GHR: variants seen among roughly 807,000 people sequenced by gnomAD.
GHR encodes the protein growth hormone receptor.
GHR carries 35 observed loss-of-function variants against 67.1 expected under a neutral mutation model. The observed-to-expected ratio is 0.52, with a 90% CI of 0.40 to 0.69. The LOEUF (loss-of-function observed/expected upper bound fraction) is 0.69. Among genes scored for constraint, GHR ranks in the 30% least tolerant of loss-of-function variants. The pLI is 0.00. For missense variants in GHR, 792 were observed against 764.6 expected (o/e 1.04, Z -0.42); for synonymous variants, 272 against 269.1 (o/e 1.01, Z -0.10).
At chr5:42,544,855 G>T (rs745467956) in intron 1 of GHR, among the ~76,000 whole-genome samples, 12 of 152,060 alleles carry the variant, frequency 7.9e-5, no homozygotes, top group Non-Finnish European at 1.8e-4. Flanking sequence ...GCACCAATCT[G>T]AATGTCCTAT....
At chr5:42,634,521 GCA>G (rs10684580) in intron 3 of GHR, among the ~76,000 whole-genome samples, 43 of 148,788 alleles carry the variant, frequency 2.9e-4, no homozygotes, top group East Asian at 1.8e-3. Context: ...ATTGAATTTT[GCA>G]CACACACACA....
chr5:42,676,890 A>C (rs1003671845), intron 3 of GHR, among the ~76,000 whole-genome samples: 1 of 151,954 alleles, frequency 6.6e-6, no homozygotes, highest in Non-Finnish European at 1.5e-5. Flanking sequence ...CAAGAGGAGG[A>C]CTCCAGCTAG....
chr5:42,640,096 T>G (rs1207263132), intron 3 of GHR, among the ~76,000 whole-genome samples: 1 of 152,158 alleles, frequency 6.6e-6, no homozygotes, highest in African/African-American at 2.4e-5. Context: ...TTTTCTCTTT[T>G]GGGACTTTTC....
intron 9 of GHR, 85 bp downstream of exon 9, chr5:42,718,206 T>C (rs2111862407): frequency 1.3e-6 from 1 of 796,168 alleles, no homozygotes; most frequent in Admixed American, 1.9e-5. Context: ...TTCTGTAAGC[T>C]ATATATATCA....
At chr5:42,549,336 T>G (rs769889209) in intron 1 of GHR, among the ~76,000 whole-genome samples, 2 of 152,216 alleles carry the variant, frequency 1.3e-5, no homozygotes, top group Non-Finnish European at 2.9e-5. Flanking sequence ...CCTTTATTCA[T>G]GTCTTCAACA....
intron 1 of GHR, among the ~76,000 whole-genome samples, chr5:42,555,529 G>C (rs1248361598): frequency 6.6e-6 from 1 of 152,182 alleles, no homozygotes; most frequent in Admixed American, 6.5e-5. Flanking sequence ...GAAAGATCAA[G>C]CACAGTTCGA....
chr5:42,468,186 C>A (rs1471661639), intron 1 of GHR: 1 of 1,407,826 alleles, frequency 7.1e-7, no homozygotes, highest in Non-Finnish European at 1.0e-6. Context: ...CCCCTGGGGC[C>A]CAGACTTTGA....
intron 2 of GHR, among the ~76,000 whole-genome samples, chr5:42,567,346 G>T (rs546368151): frequency 6.6e-6 from 1 of 152,352 alleles, no homozygotes; most frequent in East Asian, 1.9e-4. Flanking sequence ...GAACTAGAAA[G>T]TCTGCAAGGA....
At position 42,435,056 on chromosome 5, in the gene GHR, A is replaced by G. The variant is rs544634057; in HGVS notation, c.-12+11101A>G. On this transcript the variant is annotated intron_variant, in intron 1 of 9. Coordinates refer to ENST00000230882, the MANE Select transcript of GHR (RefSeq NM_000163.5). ...TGAGTCAAAATAGTGCCTGGCACATATTGGGCACTGCAGATATAGAGAATT... is the reference window on the plus strand; with the variant it reads ...TGAGTCAAAATAGTGCCTGGCACATGTTGGGCACTGCAGATATAGAGAATT... 5.3e-5 allele frequency among the ~76,000 whole-genome samples: 8 copies of G among 152,336 alleles called. 2 individuals are homozygous for G. The highest frequency in any genetic ancestry group is 1.7e-4 in the African/African-American group (7 of 41,574).
At chr5:42,525,557 A>C (rs1213714682) in intron 1 of GHR, among the ~76,000 whole-genome samples, 1 of 152,142 alleles carries the variant, frequency 6.6e-6, no homozygotes, top group Non-Finnish European at 1.5e-5. Context: ...TGCTGAAATG[A>C]ATTAAGACTT....
At chr5:42,453,594 A>G (rs909626902) in intron 1 of GHR, among the ~76,000 whole-genome samples, 1 of 152,208 alleles carries the variant, frequency 6.6e-6, no homozygotes, top group African/African-American at 2.4e-5. Context: ...TCAGCTATTC[A>G]GATCAGACAG....
intron 3 of GHR, among the ~76,000 whole-genome samples, chr5:42,678,572 G>A (rs1219696546): frequency 6.6e-6 from 1 of 152,182 alleles, no homozygotes; most frequent in Non-Finnish European, 1.5e-5. Context: ...CTTATAATAT[G>A]TCTTAGGAAA....
At chr5:42,432,352 T>C (rs1439933028) in intron 1 of GHR, among the ~76,000 whole-genome samples, 2 of 152,206 alleles carry the variant, frequency 1.3e-5, no homozygotes, top group East Asian at 1.9e-4. Flanking sequence ...CCTGTGCTTA[T>C]TGAGAGAAAA....
intron 3 of GHR, among the ~76,000 whole-genome samples, chr5:42,638,035 G>A (rs1370088571): frequency 6.6e-6 from 1 of 152,140 alleles, no homozygotes; most frequent in African/African-American, 2.4e-5. Context: ...CGCCTCCCAG[G>A]TTCAAGCAAT....
chr5:42,538,628 T>G (rs1320067032), intron 1 of GHR, among the ~76,000 whole-genome samples: 1 of 152,194 alleles, frequency 6.6e-6, no homozygotes, highest in African/African-American at 2.4e-5. Flanking sequence ...TGTCTTAACT[T>G]TAGATAACCT....
chr5:42,659,915 C>T (rs1342193029), intron 3 of GHR, among the ~76,000 whole-genome samples: 1 of 152,138 alleles, frequency 6.6e-6, no homozygotes, highest in East Asian at 1.9e-4. Flanking sequence ...TAATACTGCG[C>T]TTTTCTGACG....
At chr5:42,689,536 G>C (rs1757322411) in intron 4 of GHR, among the ~76,000 whole-genome samples, 1 of 152,186 alleles carries the variant, frequency 6.6e-6, no homozygotes, top group Admixed American at 6.5e-5. Flanking sequence ...TCCTAGACCA[G>C]AGACATAAGT....
intron 8 of GHR, among the ~76,000 whole-genome samples, chr5:42,715,804 G>A (rs950677675): frequency 6.6e-6 from 1 of 152,194 alleles, no homozygotes; most frequent in African/African-American, 2.4e-5. Context: ...AAGATGTAGT[G>A]AAACTAAACA....
At chr5:42,600,703 T>C (rs766535161) in intron 2 of GHR, among the ~76,000 whole-genome samples, 2 of 152,186 alleles carry the variant, frequency 1.3e-5, no homozygotes, top group Non-Finnish European at 2.9e-5. Context: ...GTATGACACC[T>C]GGCCTACCAA....
Sources: gnomAD v4.1 joint callset for allele counts (sites outside exome capture counted in the v4.1 genomes callset) on GRCh38, gnomAD v4.1.1 for gene constraint, MANE v1.5 for transcripts, NCBI Gene and HGNC (gene_info 2026-07-23, HGNC 2026-07-21) for gene names.